The following MIB1 variants were observed in gnomAD, a reference collection of about 807,000 sequenced individuals.
The protein encoded by MIB1 is MIB E3 ubiquitin protein ligase 1, also known as E3 ubiquitin-protein ligase MIB1.
A neutral mutation model predicts 124.5 loss-of-function variants in MIB1; 278 were observed. That is an observed-to-expected ratio of 2.23 (90% confidence interval 2.02 to 2.47). The LOEUF (loss-of-function observed/expected upper bound fraction) is 2.47. Ranked by LOEUF, MIB1 falls within the 30% of genes most tolerant of loss-of-function variation. MIB1 has a pLI of 0.00. For missense variants in MIB1, 957 were observed against 1,254.4 expected (o/e 0.76, Z 3.58); for synonymous variants, 446 against 429.4 (o/e 1.04, Z -0.48).
intron 3 of MIB1, among the ~76,000 whole-genome samples, chr18:21,771,872 C>T (rs2041227647): frequency 6.6e-6 from 1 of 151,662 alleles, no homozygotes; most frequent in Admixed American, 6.6e-5. Context: ...TGGTGGTGGG[C>T]ACCTGTAATC....
At chr18:21,780,833 A>G (rs1472278585) in intron 6 of MIB1, among the ~76,000 whole-genome samples, 1 of 152,184 alleles carries the variant, frequency 6.6e-6, no homozygotes, top group Non-Finnish European at 1.5e-5. Context: ...TGCAGTAAAC[A>G]TGGGAGTACA....
intron 7 of MIB1, among the ~76,000 whole-genome samples, chr18:21,796,339 G>C (rs2041579170): frequency 6.6e-6 from 1 of 151,794 alleles, no homozygotes; most frequent in Non-Finnish European, 1.5e-5. Flanking sequence ...TGGGAGTTGA[G>C]CAATGAGAAC....
At chr18:21,756,093 G>A (rs954887329) in intron 1 of MIB1, among the ~76,000 whole-genome samples, 3 of 152,168 alleles carry the variant, frequency 2.0e-5, no homozygotes, top group Non-Finnish European at 4.4e-5. Context: ...AAATGCAGTA[G>A]CTTAGGAGCC....
intron 10 of MIB1, among the ~76,000 whole-genome samples, chr18:21,810,636 G>C (rs1237926973): frequency 6.6e-6 from 1 of 151,690 alleles, no homozygotes; most frequent in African/African-American, 2.4e-5. Context: ...AATGGGAAAA[G>C]AGCAATCTTT....
At chr18:21,756,577 G>T (rs900401331) in intron 1 of MIB1, among the ~76,000 whole-genome samples, 1 of 152,018 alleles carries the variant, frequency 6.6e-6, no homozygotes, top group African/African-American at 2.4e-5. Context: ...TGATCCACCT[G>T]TCTCAGCCTC....
chr18:21,811,923 GTTAT>G (rs1218059433), intron 10 of MIB1, among the ~76,000 whole-genome samples: 1 of 151,986 alleles, frequency 6.6e-6, no homozygotes, highest in Non-Finnish European at 1.5e-5. Flanking sequence ...AATCATGATG[GTTAT>G]TTAAGGATTA....
rs1351233497 is a variant in MIB1 at position 21,838,471 on chromosome 18, G to T, written c.1936G>T (p.Glu646Ter). The change falls in exon 13 of 21, where the codon GAA becomes TAA. Residue 646 changes from glutamate to a stop codon, truncating the protein, a stop_gained. Transcript: ENST00000261537. LOFTEE classifies it high-confidence loss of function. ...LHLAALNNHV[E>*]VAELLVHQGN... Reference sequence around the variant, plus strand: ...TCTGGCTGCCCTTAATAATCACGTAGAAGTGGCTGAACTGTTGGTACATCA... The same window carrying T: ...TCTGGCTGCCCTTAATAATCACGTATAAGTGGCTGAACTGTTGGTACATCA... 1 of 1,608,450 alleles carries T rather than the reference G, an allele frequency of 6.2e-7. No individual in the cohort carries two copies. Among genetic ancestry groups the T allele is most frequent in the Admixed American group, 1.7e-5 (1 of 59,150 alleles).
chr18:21,739,126 AT>A (rs1194646174), upstream of MIB1, among the ~76,000 whole-genome samples: 1 of 152,142 alleles, frequency 6.6e-6, no homozygotes, highest in Non-Finnish European at 1.5e-5. Flanking sequence ...TCCCACAGAA[AT>A]ACAAACTACC....
intron 1 of MIB1, among the ~76,000 whole-genome samples, chr18:21,726,495 G>A (rs2040742846): frequency 6.6e-6 from 1 of 152,118 alleles, no homozygotes; most frequent in Non-Finnish European, 1.5e-5. Context: ...CTGAATTTGT[G>A]TATCTGCCTT....
At chr18:21,730,143 C>A (rs892975706) in intron 1 of MIB1, among the ~76,000 whole-genome samples, 4 of 152,336 alleles carry the variant, frequency 2.6e-5, no homozygotes, top group Middle Eastern at 3.4e-3. Context: ...CACCATGAAG[C>A]TTCTGAAATT....
At chr18:21,788,033 C>T (rs1180246744) in intron 6 of MIB1, among the ~76,000 whole-genome samples, 1 of 152,076 alleles carries the variant, frequency 6.6e-6, no homozygotes, top group Non-Finnish European at 1.5e-5. Context: ...TCCTTTTACT[C>T]TCCATAGTAT....
intron 15 of MIB1, among the ~76,000 whole-genome samples, chr18:21,844,465 T>C (rs1200796354): frequency 6.6e-6 from 1 of 152,180 alleles, no homozygotes; most frequent in Non-Finnish European, 1.5e-5. Context: ...GTTGTTGTTG[T>C]TATGTGGAGT....
At chr18:21,809,326 C>G (rs1488429363) in intron 10 of MIB1, among the ~76,000 whole-genome samples, 1 of 151,952 alleles carries the variant, frequency 6.6e-6, no homozygotes, top group Admixed American at 6.6e-5. Flanking sequence ...GGGATTTCTG[C>G]CAAACATTTA....
intron 7 of MIB1, among the ~76,000 whole-genome samples, chr18:21,794,657 G>T (rs1455491086): frequency 6.6e-6 from 1 of 152,056 alleles, no homozygotes; most frequent in Non-Finnish European, 1.5e-5. Context: ...CTATATTCTG[G>T]TAAAATAACT....
At chr18:21,770,911 C>G (rs1450121538) in intron 3 of MIB1, among the ~76,000 whole-genome samples, 1 of 152,070 alleles carries the variant, frequency 6.6e-6, no homozygotes, top group Non-Finnish European at 1.5e-5. Flanking sequence ...TTAACTTGTT[C>G]TTTTAATCTT....
Position 21,844,152 on chromosome 18 carries a change from C to T in MIB1, c.2110C>T (p.His704Tyr), listed in dbSNP as rs150910432. Residue 704 changes from histidine (H) to tyrosine (Y), a missense_variant, in exon 15 of 21, where the codon CAT becomes TAT. By Grantham distance (83) the His-to-Tyr change is moderately conservative. Transcript: ENST00000261537. Reference protein sequence around the residue: ...IQDKDGDTPLHEALRHHTLSQ... With the variant: ...IQDKDGDTPLYEALRHHTLSQ... ...GGATAAGGATGGGGATACTCCTTTG[C>T]ATGAAGCTCTAAGGCATCACACTTT... The T allele has an allele frequency of 6.2e-7, 1 of 1,614,046 alleles. No homozygotes were observed. Among genetic ancestry groups the T allele is most frequent in the African/African-American group, 1.3e-5 (1 of 75,022 alleles).
chr18:21,856,241 AAAAAAC>A (rs777153251), intron 18 of MIB1, among the ~76,000 whole-genome samples: 23 of 8,744 alleles, frequency 2.6e-3, no homozygotes, highest in Non-Finnish European at 0.017. Flanking sequence ...CGTCTCAAAA[AAAAAAC>A]AAAAAACAAA....
At chr18:21,737,374 A>C (rs2040801058), upstream of MIB1, among the ~76,000 whole-genome samples, 1 of 152,180 alleles carries the variant, frequency 6.6e-6, no homozygotes, top group Non-Finnish European at 1.5e-5. Context: ...TAAGAGCTGA[A>C]GGAAGCACTA....
Position 21,791,373 on chromosome 18 carries a change from G to A in MIB1, c.909-1G>A. 1 of 1,604,524 alleles carries A rather than the reference G, an allele frequency of 6.2e-7. No homozygotes were observed. The highest frequency in any genetic ancestry group is 8.5e-7 in the Non-Finnish European group (1 of 1,175,056). On this transcript the variant is annotated splice_acceptor_variant, in intron 6 of 20. Coordinates refer to ENST00000261537, the MANE Select transcript of MIB1 (RefSeq NM_020774.4). LOFTEE classifies it high-confidence loss of function. Reference sequence around the variant, plus strand: ...TTTGAGGTTTAGCTTTGCTCTTGTAGGTGGACCTTCAATCCTGCTGTTCTC... The same window carrying A: ...TTTGAGGTTTAGCTTTGCTCTTGTAAGTGGACCTTCAATCCTGCTGTTCTC...
Sources: gnomAD v4.1 joint callset for allele counts (sites outside exome capture counted in the v4.1 genomes callset) on GRCh38, gnomAD v4.1.1 for gene constraint, MANE v1.5 for transcripts, NCBI Gene and HGNC (gene_info 2026-07-23, HGNC 2026-07-21) for gene names.